ABCA8: variants seen among roughly 807,000 people sequenced by gnomAD.
ABCA8 encodes ATP binding cassette subfamily A member 8.
In ABCA8, 177 loss-of-function variants were observed where a neutral mutation model predicts 192.3. The ratio of observed to expected loss-of-function variants is 0.92; its 90% confidence interval spans 0.81 to 1.04. The LOEUF (loss-of-function observed/expected upper bound fraction) is 1.04. Among genes scored for constraint, ABCA8 ranks in the 50% least tolerant of loss-of-function variants. The pLI is 0.00. For synonymous variants in ABCA8, 642 were observed against 690.2 expected (o/e 0.93, Z 1.09); for missense variants, 1,915 against 1,904.8 (o/e 1.01, Z -0.10).
rs2067231795 is a variant in ABCA8, at chr17:68,911,738, C to CACAT, written c.2139-3860_2139-3859insATGT. Reference sequence around the variant, plus strand: ...TGCCAGCTCCAGACAGCTCAATACACACACACACACACACACACACACACA... The same window carrying CACAT: ...TGCCAGCTCCAGACAGCTCAATACACACATACACACACACACACACACACACACA... On this transcript the variant is annotated intron_variant, in intron 17 of 39. Transcript: ENST00000586539. This position sits in a 1 kb window ranked among gnomAD's most constrained non-coding sequence, Gnocchi z 5.7. Among the ~76,000 whole-genome samples, 1 of 137,386 alleles carries CACAT rather than the reference C, an allele frequency of 7.3e-6. No individual in the cohort carries two copies. The allele number at this position is 137,386 out of a possible 152,430, so 90.1% of individuals were successfully genotyped here.
At chr17:68,906,963 C>T (rs76520666) in intron 18 of ABCA8, among the ~76,000 whole-genome samples, 1 of 152,144 alleles carries the variant, frequency 6.6e-6, no homozygotes, top group African/African-American at 2.4e-5. Context: ...CCATCTGGAG[C>T]TCCTGCTTGG....
At position 68,877,480 on chromosome 17, in the gene ABCA8, C is replaced by T. The variant is rs115284448; in HGVS notation, c.4199+39G>A. ...TCATCACTCTCAACCTCCTCCACCC[C>T]TCCCTTGGGTATAGAACAGATGTGG... On this transcript the variant is annotated intron_variant, in intron 33 of 39. Coordinates refer to ENST00000586539, the MANE Select transcript of ABCA8 (RefSeq NM_001288985.2). 1.3e-3 allele frequency: 1,967 copies of T among 1,553,674 alleles called. 31 individuals are homozygous for T. The African/African-American group carries it at 0.024, about 19-fold the overall frequency.
Position 68,920,175 on chromosome 17 carries a change from T to A in ABCA8, c.1613-699A>T, listed in dbSNP as rs111414102. Among the ~76,000 whole-genome samples the A allele has an allele frequency of 3.1e-3, 465 of 152,276 alleles. 1 individual carries two copies. The highest frequency in any genetic ancestry group is 0.011 in the African/African-American group (446 of 41,564). On this transcript the variant is annotated intron_variant, in intron 13 of 39. Transcript: ENST00000586539. ...ACAGAAAATGAAATACCATATGTTC[T>A]CACTTATAAGAGGGAGCTAAATGAT...
chr17:68,893,580 G>T (rs912546897), intron 23 of ABCA8, among the ~76,000 whole-genome samples: 1 of 149,394 alleles, frequency 6.7e-6, no homozygotes, highest in Non-Finnish European at 1.5e-5. Context: ...TCCTTCCTTT[G>T]TTCTTTCCTT....
intron 37 of ABCA8, among the ~76,000 whole-genome samples, chr17:68,873,924 T>A (rs1285883328): frequency 6.6e-6 from 1 of 152,224 alleles, no homozygotes; most frequent in African/African-American, 2.4e-5. Context: ...GTCTTTACAC[T>A]AGTGCCATAT....
chr17:68,923,135 C>T (rs2067591123), intron 11 of ABCA8, among the ~76,000 whole-genome samples: 1 of 151,916 alleles, frequency 6.6e-6, no homozygotes, highest in Non-Finnish European at 1.5e-5. Context: ...CTTATTTTAT[C>T]ATCTACTATT....
rs2065950473 is a variant in ABCA8, at chr17:68,867,576, C to G, written c.*509G>C. 6.6e-6 allele frequency: 1 copy of G among 152,134 alleles called. No individual in the cohort carries two copies. The highest frequency in any genetic ancestry group is 2.4e-5 in the African/African-American group (1 of 41,432). 9.4% of individuals were successfully genotyped at this position (152,134 alleles called of 1,614,324 possible). ...GATATGTTATCAACGATATTGATAT[C>G]AGATACTATGACCCATGACATTTAG... On this transcript the variant is annotated 3_prime_UTR_variant, in exon 40 of 40. Transcript: ENST00000586539.
At chr17:68,919,270 C>T in intron 14 of ABCA8, 31 bp downstream of exon 14, 4 of 1,554,936 alleles carry the variant, frequency 2.6e-6, no homozygotes, top group Non-Finnish European at 3.5e-6. Context: ...CTCATTTTGA[C>T]CAACACATTA....
chr17:68,877,391 T>C (rs2066234111), intron 33 of ABCA8, 128 bp downstream of exon 33: 1 of 774,222 alleles, frequency 1.3e-6, no homozygotes, highest in Non-Finnish European at 1.9e-6. Flanking sequence ...TTTCTAGTTG[T>C]AAATCTACCC....
intron 37 of ABCA8, 27 bp from the exon 38 acceptor site, chr17:68,869,806 G>C: frequency 6.7e-7 from 1 of 1,494,622 alleles, no homozygotes; most frequent in South Asian, 1.1e-5. Context: ...GGTAAGAAGA[G>C]TGATACCACT....
At chr17:68,937,748 T>C (rs2068108679) in intron 4 of ABCA8, among the ~76,000 whole-genome samples, 1 of 152,102 alleles carries the variant, frequency 6.6e-6, no homozygotes, top group Admixed American at 6.6e-5. Flanking sequence ...GAAGTATGTA[T>C]TTTGATAGAA....
rs1020132779 is a variant in ABCA8 at position 68,885,260 on chromosome 17, G to A, written c.3485C>T (p.Pro1162Leu). The stretch of plus-strand genomic sequence containing the variant: ...TGGTATTAAAAAAGTGAAGATAAAT[G>A]GAATATCACTTTCGAAGATACTGAA... ...FAFSIFESDI[P>L]FIFTFLIPPA... The change falls in exon 27 of 40, where the codon CCA (proline) becomes CTA (leucine). Residue 1162 changes from proline to leucine, a missense_variant. Pro to Leu is a moderately conservative substitution (Grantham distance 98). Coordinates refer to ENST00000586539, the MANE Select transcript of ABCA8 (RefSeq NM_001288985.2). 5 of 1,612,974 alleles carry A rather than the reference G, an allele frequency of 3.1e-6. No homozygotes were observed. Among genetic ancestry groups the A allele is most frequent in the Non-Finnish European group, 4.2e-6 (5 of 1,179,358 alleles).
chr17:68,919,075 T>C (rs2067466500), intron 14 of ABCA8, among the ~76,000 whole-genome samples: 2 of 152,010 alleles, frequency 1.3e-5, no homozygotes, highest in Non-Finnish European at 2.9e-5. Context: ...ATAGCACCTA[T>C]CTCATAGGGT....
intron 21 of ABCA8, among the ~76,000 whole-genome samples, chr17:68,897,090 T>C (rs61303445): frequency 0.42 from 64,027 of 152,074 alleles, 14,075 homozygotes; most frequent in East Asian, 0.56. Context: ...AGGGAATTAC[T>C]GTAATTGGAT....
At chr17:68,869,084 T>A (rs896166744) in intron 38 of ABCA8, among the ~76,000 whole-genome samples, 4 of 152,168 alleles carry the variant, frequency 2.6e-5, no homozygotes, top group African/African-American at 9.6e-5. Flanking sequence ...CTAGAAGATC[T>A]GAATCTCTTC....
At chr17:68,869,178 CA>C (rs1302249853) in intron 38 of ABCA8, among the ~76,000 whole-genome samples, 10 of 152,208 alleles carry the variant, frequency 6.6e-5, no homozygotes, top group African/African-American at 2.2e-4. Context: ...CTGACTAGCA[CA>C]GTTCAGAGTA....
intron 24 of ABCA8, 115 bp downstream of exon 24, chr17:68,891,374 A>G (rs2066617202): frequency 1.6e-6 from 1 of 628,578 alleles, no homozygotes. Flanking sequence ...CTTAGAATTT[A>G]TGTCTGAATT....
At chr17:68,931,904 G>A (rs1875522101) in intron 7 of ABCA8, 1 of 168,198 alleles carries the variant, frequency 5.9e-6, no homozygotes. Flanking sequence ...TGGAGAAACA[G>A]GTTTTAATAA....
intron 19 of ABCA8, 31 bp downstream of exon 19, chr17:68,906,013 T>G (rs979604811): frequency 1.2e-5 from 18 of 1,531,620 alleles, no homozygotes; most frequent in Non-Finnish European, 1.6e-5. Context: ...ATATGTGCTT[T>G]TACATAATAA....
Sources: gnomAD v4.1 joint callset for allele counts (sites outside exome capture counted in the v4.1 genomes callset) on GRCh38, gnomAD v4.1.1 for gene constraint, Gnocchi (gnomAD v3.1) non-coding constraint, MANE v1.5 for transcripts, NCBI Gene and HGNC (gene_info 2026-07-23, HGNC 2026-07-21) for gene names.